The following SERINC1 variants were observed in gnomAD, a reference collection of about 807,000 sequenced individuals.
SERINC1 encodes the protein serine incorporator 1.
Under a neutral mutation model 52.9 loss-of-function variants are expected in SERINC1, and 38 were observed. The observed-to-expected ratio is 0.72, with a 90% CI of 0.55 to 0.94. SERINC1 has a LOEUF of 0.94. SERINC1 is among the 40% of genes least tolerant of loss of function. The pLI, the probability that SERINC1 is intolerant of heterozygous loss-of-function variation, is 0.00. For missense variants in SERINC1, 471 were observed against 533.9 expected, an observed-to-expected ratio of 0.88 and a Z score of 1.16; for synonymous variants, 198 against 183.1, an observed-to-expected ratio of 1.08 and a Z score of -0.66.
intron 6 of SERINC1, 22 bp from the exon 7 acceptor site, chr6:122,451,776 A>ATATATAT (rs1554211250): frequency 0.03 from 3,407 of 111,932 alleles, 102 homozygotes; most frequent in Admixed American, 0.065. Context: ...AAAAAAAAAA[A>ATATATAT]ATATATATAT....
chr6:122,458,711 A>G lies in SERINC1; in HGVS notation c.40-30T>C, dbSNP rs369191972. 38 of 1,459,232 alleles carry G rather than the reference A, an allele frequency of 2.6e-5. No homozygotes were observed. The African/African-American group carries it at 5.0e-4, about 19-fold the overall frequency. 90.4% of individuals were successfully genotyped at this position (1,459,232 alleles called of 1,614,324 possible). ...GAAAAAGAATATTATTGAAAATATT[A>G]TTAAGAATCAGTAAATCACTATATC... On this transcript the variant is annotated intron_variant, in intron 1 of 9. Transcript: ENST00000339697.
chr6:122,459,607 C>T (rs1775064996), intron 1 of SERINC1, among the ~76,000 whole-genome samples: 1 of 151,964 alleles, frequency 6.6e-6, no homozygotes, highest in South Asian at 2.1e-4. Flanking sequence ...AAACATCTCC[C>T]CTCAGAAAAA....
chr6:122,462,636 C>T (rs1326935742), intron 1 of SERINC1, among the ~76,000 whole-genome samples: 3 of 152,004 alleles, frequency 2.0e-5, no homozygotes, highest in South Asian at 2.1e-4. Context: ...AAATACCCCA[C>T]AAAGAACCTA....
At chr6:122,462,021 T>C (rs1349479594) in intron 1 of SERINC1, among the ~76,000 whole-genome samples, 2 of 152,086 alleles carry the variant, frequency 1.3e-5, no homozygotes, top group Non-Finnish European at 2.9e-5. Context: ...ATAAAAAGGA[T>C]AATATATTGC....
intron 1 of SERINC1, among the ~76,000 whole-genome samples, chr6:122,470,403 T>C (rs1295079183): frequency 6.6e-6 from 1 of 152,162 alleles, no homozygotes; most frequent in Non-Finnish European, 1.5e-5. Flanking sequence ...GCCCACTTCA[T>C]AACTGGACAA....
At chr6:122,453,165 C>G (rs1774940422) in intron 5 of SERINC1, among the ~76,000 whole-genome samples, 2 of 152,160 alleles carry the variant, frequency 1.3e-5, no homozygotes. Flanking sequence ...ACTCTGTCCT[C>G]CTGTTCCCTC....
At chr6:122,461,513 T>G (rs1582635936) in intron 1 of SERINC1, among the ~76,000 whole-genome samples, 10 of 90,538 alleles carry the variant, frequency 1.1e-4, no homozygotes, top group Non-Finnish European at 1.3e-4. Context: ...TGTGGTGGGG[T>G]TGGGGGAGGG....
chr6:122,444,453 C>T lies in SERINC1; in HGVS notation c.*591G>A. The T allele has an allele frequency of 6.6e-6, 1 of 152,362 alleles. No individual in the cohort carries two copies. Among genetic ancestry groups the T allele is most frequent in the Non-Finnish European group, 1.5e-5 (1 of 68,078 alleles). 9.4% of individuals were successfully genotyped at this position (152,362 alleles called of 1,614,324 possible). A position where few individuals can be genotyped will look rare whatever the true frequency, so the allele number is the denominator to read the frequency against. On this transcript the variant is annotated 3_prime_UTR_variant, in exon 10 of 10. Coordinates refer to ENST00000339697, the MANE Select transcript of SERINC1 (RefSeq NM_020755.4). ...ACTTTGTTGGCAAAGGCCATCTCTA[C>T]CCAAGTAAGATTATTTACTCGTTAT...
rs569446566 is a variant in SERINC1, at chr6:122,461,491, T to C, written c.40-2810A>G. Among the ~76,000 whole-genome samples the C allele has an allele frequency of 3.3e-4, 42 of 126,928 alleles. No homozygotes were observed. The South Asian group carries it at 0.01, about 31-fold the overall frequency. 83.3% of individuals were successfully genotyped at this position (126,928 alleles called of 152,430 possible). The stretch of plus-strand genomic sequence containing the variant: ...CATGGACACAGGAAGGGGAATATCA[T>C]ACTCTGGGGACTGTGGTGGGGTTGG... On this transcript the variant is annotated intron_variant, in intron 1 of 9. Coordinates refer to ENST00000339697, the MANE Select transcript of SERINC1 (RefSeq NM_020755.4).
At position 122,471,773 on chromosome 6, in the gene SERINC1, G is replaced by A. The variant is rs1444109371; in HGVS notation, c.-36C>T. The A allele has an allele frequency of 1.9e-6, 3 of 1,613,402 alleles. No individual in the cohort carries two copies. In the South Asian group the frequency reaches 3.3e-5, roughly 18 times the overall value. ...TCACAAGAGCAGCGGATACAGACAAGATGGAGACAGCTTCTTTCTCGCCTT... is the reference window on the plus strand; with the variant it reads ...TCACAAGAGCAGCGGATACAGACAAAATGGAGACAGCTTCTTTCTCGCCTT... On this transcript the variant is annotated 5_prime_UTR_variant, in exon 1 of 10. Coordinates refer to ENST00000339697, the MANE Select transcript of SERINC1 (RefSeq NM_020755.4).
chr6:122,446,897 C>T lies in SERINC1; in HGVS notation c.1103G>A (p.Gly368Glu). The T allele has an allele frequency of 6.2e-7, 1 of 1,613,212 alleles. No homozygotes were observed. The highest frequency in any genetic ancestry group is 8.5e-7 in the Non-Finnish European group (1 of 1,179,186). Residue 368 changes from glycine (G) to glutamate (E), a missense_variant, in exon 9 of 10, where the codon GGG becomes GAG. Transcript: ENST00000339697. The stretch of plus-strand genomic sequence containing the variant: ...ATCTACAGCTCGGTGAACATCGTCC[C>T]CATCCTCCAGTGATCCATCACTTCT... The part of the protein sequence containing the change: ...GARSDGSLED[G>E]DDVHRAVDNE...
chr6:122,466,419 G>A (rs904068193), intron 1 of SERINC1, among the ~76,000 whole-genome samples: 1 of 152,126 alleles, frequency 6.6e-6, no homozygotes, highest in African/African-American at 2.4e-5. Context: ...CTGGGTTTAG[G>A]TGATCCCCCC....
chr6:122,453,173 C>G (rs992793563), intron 5 of SERINC1, among the ~76,000 whole-genome samples: 1 of 152,070 alleles, frequency 6.6e-6, no homozygotes, highest in Non-Finnish European at 1.5e-5. Flanking sequence ...CTCCTGTTCC[C>G]TCATTTTTGT....
chr6:122,457,977 G>C lies in SERINC1; in HGVS notation c.201+543C>G, dbSNP rs1486255921. Among the ~76,000 whole-genome samples the C allele has an allele frequency of 2.6e-5, 4 of 152,076 alleles. No homozygotes were observed. In the East Asian group the frequency reaches 7.7e-4, roughly 29 times the overall value. On this transcript the variant is annotated intron_variant, in intron 2 of 9. Coordinates refer to ENST00000339697, the MANE Select transcript of SERINC1 (RefSeq NM_020755.4). ...CCCGGTTTTGTAGGACCAGAACCTG[G>C]TTGTTATTTATGATTCCATATCACT...
chr6:122,452,875 A>C (rs1257273885), intron 5 of SERINC1, among the ~76,000 whole-genome samples: 1 of 152,186 alleles, frequency 6.6e-6, no homozygotes, highest in Non-Finnish European at 1.5e-5. Flanking sequence ...GAGATAAAAC[A>C]CCACAAATTA....
intron 7 of SERINC1, among the ~76,000 whole-genome samples, chr6:122,447,729 A>G (rs1184363075): frequency 6.6e-6 from 1 of 152,196 alleles, no homozygotes; most frequent in Non-Finnish European, 1.5e-5. Context: ...AGCTTACACA[A>G]AAACCAGTTA....
chr6:122,447,202 T>G lies in SERINC1; in HGVS notation c.914A>C (p.Lys305Thr), dbSNP rs777926731. 1 of 1,612,352 alleles carries G rather than the reference T, an allele frequency of 6.2e-7. No individual in the cohort carries two copies. Among genetic ancestry groups the G allele is most frequent in the African/African-American group, 1.3e-5 (1 of 74,898 alleles). ...CCACCACTGGACTGACTGCCCTTCC[T>G]TTGGGACAGTGCTTGTTGTATTGTA... is the stretch of plus-strand genomic sequence containing the variant. ...IGYNTTSTVP[K>T]EGQSVQWWHA... Residue 305 changes from lysine to threonine, a missense_variant, in exon 8 of 10, where the codon AAG (lysine) becomes ACG (threonine). Lys to Thr is a moderately conservative substitution (Grantham distance 78). Coordinates refer to ENST00000339697, the MANE Select transcript of SERINC1 (RefSeq NM_020755.4).
At chr6:122,461,925 A>T (rs1393120867) in intron 1 of SERINC1, among the ~76,000 whole-genome samples, 2 of 152,160 alleles carry the variant, frequency 1.3e-5, no homozygotes, top group Non-Finnish European at 2.9e-5. Context: ...ATCATAAGAA[A>T]ATAATAGACC....
intron 1 of SERINC1, among the ~76,000 whole-genome samples, chr6:122,467,222 T>G (rs1216848815): frequency 6.6e-6 from 1 of 152,198 alleles, no homozygotes; most frequent in Admixed American, 6.5e-5. Flanking sequence ...CTGGGAGAGA[T>G]AACCTCCAAG....
Sources: gnomAD v4.1 joint callset for allele counts (sites outside exome capture counted in the v4.1 genomes callset) on GRCh38, gnomAD v4.1.1 for gene constraint, MANE v1.5 for transcripts, NCBI Gene and HGNC (gene_info 2026-07-23, HGNC 2026-07-21) for gene names.